GALNT10: variants seen among roughly 807,000 people sequenced by gnomAD.
The protein encoded by GALNT10 is polypeptide N-acetylgalactosaminyltransferase 10, also known as GalNAc transferase 10.
Under a neutral mutation model 75.0 loss-of-function variants are expected in GALNT10, and 41 were observed. The observed-to-expected ratio is 0.55, with a 90% CI of 0.43 to 0.71. GALNT10 has a LOEUF of 0.71. Among genes scored for constraint, GALNT10 ranks in the 30% least tolerant of loss-of-function variants. The pLI, the probability that GALNT10 is intolerant of heterozygous loss-of-function variation, is 0.00. For missense variants in GALNT10, 727 were observed against 818.5 expected, an observed-to-expected ratio of 0.89 and a Z score of 1.36; for synonymous variants, 302 against 313.0, an observed-to-expected ratio of 0.96 and a Z score of 0.37.
rs1756191635 is a variant in GALNT10, at chr5:154,402,605, T to A, written c.1057-1499T>A. 6.6e-6 allele frequency among the ~76,000 whole-genome samples: 1 copy of A among 152,200 alleles called. No homozygotes were observed. Among genetic ancestry groups the A allele is most frequent in the Admixed American group, 6.5e-5 (1 of 15,278 alleles). On this transcript the variant is annotated intron_variant, in intron 7 of 11. Coordinates refer to ENST00000297107, the MANE Select transcript of GALNT10 (RefSeq NM_198321.4). The surrounding 1 kb of genome is among the most constrained non-coding windows in gnomAD (Gnocchi z 4.2). ...CCTAGGCCAGGGATTTGGGAGTGGC[T>A]TGGTTTGATAGCTCCACCTTGGGTC...
intron 4 of GALNT10, among the ~76,000 whole-genome samples, chr5:154,373,067 G>A (rs1386226963): frequency 6.6e-6 from 1 of 152,202 alleles, no homozygotes; most frequent in Admixed American, 6.5e-5. Flanking sequence ...GGGATGCTGT[G>A]TCAGACGCTG....
In GALNT10 at chr5:154,318,456, T is replaced by C. The variant is rs540584722; in HGVS notation, c.402-11116T>C. Among the ~76,000 whole-genome samples the C allele has an allele frequency of 5.9e-5, 9 of 152,058 alleles. No individual in the cohort carries two copies. In the East Asian group the frequency reaches 1.5e-3, roughly 26 times the overall value. On this transcript the variant is annotated intron_variant, in intron 3 of 11. Transcript: ENST00000297107. Reference sequence around the variant, plus strand: ...CCTATAAAATACTAATATATATATATATATAAAAGACAGATGGGTTTAAAT... The same window carrying C: ...CCTATAAAATACTAATATATATATACATATAAAAGACAGATGGGTTTAAAT...
At position 154,380,610 on chromosome 5, in the gene GALNT10, C is replaced by A. The variant is rs779584554; in HGVS notation, c.917C>A (p.Ala306Asp). The A allele has an allele frequency of 9.3e-6, 15 of 1,612,634 alleles. No homozygotes were observed. The South Asian group carries it at 1.4e-4, about 15-fold the overall frequency. ...RIPIPPELQK[A>D]DPSDPFESPV... ...CCGATCCCTCCAGAACTGCAGAAAG[C>A]TGACCCCAGCGACCCATTTGAGTAA... The change falls in exon 6 of 12, where the codon GCT becomes GAT. Residue 306 changes from alanine to aspartate, a missense_variant. By Grantham distance (126) the Ala-to-Asp change is moderately radical. Transcript: ENST00000297107.
intron 4 of GALNT10, among the ~76,000 whole-genome samples, chr5:154,332,620 T>G (rs1287850765): frequency 6.6e-6 from 1 of 152,110 alleles, no homozygotes; most frequent in Non-Finnish European, 1.5e-5. Context: ...AGGAGGTGAT[T>G]AGTAAATGTT....
intron 1 of GALNT10, among the ~76,000 whole-genome samples, chr5:154,196,758 A>G (rs1270673123): frequency 6.6e-6 from 1 of 152,186 alleles, no homozygotes; most frequent in African/African-American, 2.4e-5. Flanking sequence ...TGTCTGAACC[A>G]TTCGCAGATT....
intron 7 of GALNT10, among the ~76,000 whole-genome samples, chr5:154,400,063 A>G (rs1325731293): frequency 6.6e-6 from 1 of 152,150 alleles, no homozygotes; most frequent in East Asian, 1.9e-4. Context: ...ACTTAAGCCC[A>G]TGAGGTCAAG....
At position 154,420,102 on chromosome 5, in the gene GALNT10, C is replaced by T. The variant is rs1756597525; in HGVS notation, c.*3130C>T. The stretch of plus-strand genomic sequence containing the variant: ...TCCCATCTTCTGCCTCCAGTTGGAG[C>T]TTTCAGCTGTTAAAACAGTCAGAAA... On this transcript the variant is annotated 3_prime_UTR_variant, in exon 12 of 12. Coordinates refer to ENST00000297107, the MANE Select transcript of GALNT10 (RefSeq NM_198321.4). 6.6e-6 allele frequency: 1 copy of T among 152,216 alleles called. No individual in the cohort carries two copies. Among genetic ancestry groups the T allele is most frequent in the African/African-American group, 2.4e-5 (1 of 41,462 alleles). 9.4% of individuals were successfully genotyped at this position (152,216 alleles called of 1,614,324 possible). A position where few individuals can be genotyped will look rare whatever the true frequency, so the allele number is the denominator to read the frequency against.
chr5:154,283,838 G>A (rs2113058637), intron 1 of GALNT10, among the ~76,000 whole-genome samples: 1 of 152,336 alleles, frequency 6.6e-6, no homozygotes, highest in South Asian at 2.1e-4. Context: ...TCTACCAGGT[G>A]TACTTGGAAA....
intron 7 of GALNT10, chr5:154,392,581 C>G (rs1485118564): frequency 2.0e-5 from 3 of 152,176 alleles, no homozygotes; most frequent in African/African-American, 4.8e-5. Flanking sequence ...AAGATAGGAT[C>G]AAATGAGATG....
chr5:154,272,984 CTGGTGGT>C (rs1046191259), intron 1 of GALNT10, among the ~76,000 whole-genome samples: 11 of 152,010 alleles, frequency 7.2e-5, no homozygotes, highest in Admixed American at 2.6e-4. Context: ...TCTGCAGTTT[CTGGTGGT>C]TAGGAAAGGG....
chr5:154,363,478 G>A (rs6859781), intron 4 of GALNT10, among the ~76,000 whole-genome samples: 1,902 of 116,778 alleles, frequency 0.016, 40 homozygotes, highest in African/African-American at 0.058. Context: ...AGGATTTTGT[G>A]CCAGCGTTTA....
chr5:154,369,045 T>C (rs1755521978), intron 4 of GALNT10, among the ~76,000 whole-genome samples: 1 of 152,202 alleles, frequency 6.6e-6, no homozygotes, highest in Non-Finnish European at 1.5e-5. Flanking sequence ...ATTTTCTCTT[T>C]GTCTAAGAAA....
Position 154,412,714 on chromosome 5 carries a change from T to G in GALNT10, c.1387-175T>G. The G allele has an allele frequency of 1.6e-6, 1 of 637,122 alleles. No individual in the cohort carries two copies. The allele number at this position is 637,122 out of a possible 1,614,324, so 39.5% of individuals were successfully genotyped here. A position where few individuals can be genotyped will look rare whatever the true frequency, so the allele number is the denominator to read the frequency against. On this transcript the variant is annotated intron_variant, in intron 9 of 11. Coordinates refer to ENST00000297107, the MANE Select transcript of GALNT10 (RefSeq NM_198321.4). This position sits in a 1 kb window ranked among gnomAD's most constrained non-coding sequence, Gnocchi z 4.2. The stretch of plus-strand genomic sequence containing the variant: ...AGGATTACATTCTGTGGACTGAGTC[T>G]TCCTTCATTGAGAGGCTCAAGGTAC...
chr5:154,275,715 T>C lies in GALNT10; in HGVS notation c.160-19101T>C, dbSNP rs1021373123. ...CTGTCAGTTCCTTTCCATGTCGACC[T>C]CTCCATAGAGGAGCTTCTTCATAGC... is the stretch of plus-strand genomic sequence containing the variant. On this transcript the variant is annotated intron_variant, in intron 1 of 11. Transcript: ENST00000297107. Among the ~76,000 whole-genome samples the C allele has an allele frequency of 2.0e-5, 3 of 152,208 alleles. No individual in the cohort carries two copies. In the East Asian group the frequency reaches 5.8e-4, roughly 29 times the overall value.
chr5:154,198,971 T>C (rs1774985692), intron 1 of GALNT10, among the ~76,000 whole-genome samples: 1 of 152,210 alleles, frequency 6.6e-6, no homozygotes, highest in South Asian at 2.1e-4. Flanking sequence ...AATGCTGTAA[T>C]TGTTTTTAAT....
intron 1 of GALNT10, among the ~76,000 whole-genome samples, chr5:154,263,762 C>G (rs1339577487): frequency 6.6e-6 from 1 of 152,088 alleles, no homozygotes; most frequent in Non-Finnish European, 1.5e-5. Context: ...AATCCAAGCC[C>G]TCATGACCCA....
In GALNT10 at chr5:154,293,613, A is replaced by ATATATATAT; in HGVS notation, c.160-1202_160-1201insATATATATT. On this transcript the variant is annotated intron_variant, in intron 1 of 11. Transcript: ENST00000297107. ...GGGGCTGATATATATATATATATAT[A>ATATATATAT]TTTTTTTTTTCCTTTCAGCCATTCA... Among the ~76,000 whole-genome samples the ATATATATAT allele has an allele frequency of 1.6e-3, 171 of 109,404 alleles. 2 individuals carry two copies. The highest frequency in any genetic ancestry group is 7.1e-3 in the African/African-American group (167 of 23,624). 71.8% of individuals were successfully genotyped at this position (109,404 alleles called of 152,430 possible). A position where few individuals can be genotyped will look rare whatever the true frequency, so the allele number is the denominator to read the frequency against.
At chr5:154,245,206 T>G (rs1561639260) in intron 1 of GALNT10, among the ~76,000 whole-genome samples, 1 of 151,960 alleles carries the variant, frequency 6.6e-6, no homozygotes, top group African/African-American at 2.4e-5. Context: ...ATGGTGGCAG[T>G]GAGGATGGGC....
chr5:154,374,251 A>G (rs1327027302), intron 4 of GALNT10, among the ~76,000 whole-genome samples: 8 of 152,194 alleles, frequency 5.3e-5, no homozygotes, highest in African/African-American at 1.9e-4. Flanking sequence ...GAGGGAAGCC[A>G]TATTAATCTT....
Sources: allele counts gnomAD v4.1 joint callset (sites outside exome capture counted in the v4.1 genomes callset), GRCh38; gene constraint gnomAD v4.1.1; non-coding constraint Gnocchi (gnomAD v3.1); transcripts MANE v1.5; gene names NCBI Gene and HGNC (gene_info 2026-07-23, HGNC 2026-07-21).